ME3: variants seen among roughly 807,000 people sequenced by gnomAD.
ME3 encodes malic enzyme 3, also known as NADP-dependent malic enzyme, mitochondrial.
In ME3, 48 loss-of-function variants were observed where a neutral mutation model predicts 68.9. The ratio of observed to expected loss-of-function variants is 0.70; its 90% confidence interval spans 0.55 to 0.89. The LOEUF (loss-of-function observed/expected upper bound fraction) is 0.89, where lower values mean the gene tolerates loss of function less well. Among genes scored for constraint, ME3 ranks in the 40% least tolerant of loss-of-function variants. ME3 has a pLI of 0.00. For missense variants in ME3, 675 were observed against 797.4 expected (o/e 0.85, Z 1.85); for synonymous variants, 320 against 318.8 (o/e 1.00, Z -0.04).
intron 7 of ME3, among the ~76,000 whole-genome samples, chr11:86,486,184 A>G (rs1405042629): frequency 6.6e-6 from 1 of 152,114 alleles, no homozygotes; most frequent in Non-Finnish European, 1.5e-5. Flanking sequence ...TCAGGTGTGC[A>G]CTGGATCCTT....
chr11:86,546,734 C>T (rs1240097785), intron 4 of ME3, among the ~76,000 whole-genome samples: 8 of 152,146 alleles, frequency 5.3e-5, no homozygotes, highest in African/African-American at 1.9e-4. Context: ...TAAATTTGTT[C>T]AACCATTGTG....
chr11:86,546,947 A>C (rs1285418031), intron 4 of ME3, among the ~76,000 whole-genome samples: 3 of 152,192 alleles, frequency 2.0e-5, no homozygotes, highest in Admixed American at 2.0e-4. Flanking sequence ...CTGGATAAAG[A>C]AAATGTAGCG....
chr11:86,475,657 T>G (rs1951018315), intron 7 of ME3, among the ~76,000 whole-genome samples: 1 of 152,064 alleles, frequency 6.6e-6, no homozygotes, highest in African/African-American at 2.4e-5. Context: ...TCTCATTATC[T>G]GGCCTTGGGG....
chr11:86,436,542 C>A (rs915122371), downstream of ME3: 2 of 151,928 alleles, frequency 1.3e-5, no homozygotes, highest in Non-Finnish European at 2.9e-5. Context: ...TTTTATGAAT[C>A]ATGCTTTTAA....
At chr11:86,620,098 A>G (rs552411200) in intron 2 of ME3, among the ~76,000 whole-genome samples, 171 of 152,148 alleles carry the variant, frequency 1.1e-3, no homozygotes, top group Non-Finnish European at 2.3e-3. Flanking sequence ...ACAAACACAA[A>G]TCCTATTTTC....
At chr11:86,574,402 G>GT (rs971410809) in intron 2 of ME3, among the ~76,000 whole-genome samples, 11 of 89,524 alleles carry the variant, frequency 1.2e-4, no homozygotes, top group Non-Finnish European at 3.0e-4. Context: ...GTTGCCGGGG[G>GT]GGGGGGGGGT....
At chr11:86,569,266 T>G (rs1957651659) in intron 2 of ME3, among the ~76,000 whole-genome samples, 1 of 152,194 alleles carries the variant, frequency 6.6e-6, no homozygotes, top group Non-Finnish European at 1.5e-5. Context: ...CGTAACTGCT[T>G]GTCCATGGGC....
chr11:86,521,155 C>T (rs557446032), intron 4 of ME3, among the ~76,000 whole-genome samples: 1 of 152,038 alleles, frequency 6.6e-6, no homozygotes, highest in Admixed American at 6.5e-5. Context: ...TTTGGGAGGC[C>T]GAGGCGGGCG....
chr11:86,644,684 C>A (rs1174090862), intron 2 of ME3, among the ~76,000 whole-genome samples: 1 of 152,180 alleles, frequency 6.6e-6, no homozygotes, highest in Admixed American at 6.5e-5. Context: ...CTTAAGAGGT[C>A]TTCTGTAGAT....
chr11:86,513,398 G>A (rs988117874), intron 4 of ME3, among the ~76,000 whole-genome samples: 1 of 152,174 alleles, frequency 6.6e-6, no homozygotes, highest in Non-Finnish European at 1.5e-5. Flanking sequence ...TGAAAGGATT[G>A]CCCTGGCTGG....
At chr11:86,600,013 A>G (rs192518414) in intron 2 of ME3, among the ~76,000 whole-genome samples, 40 of 152,156 alleles carry the variant, frequency 2.6e-4, no homozygotes, top group African/African-American at 9.1e-4. Context: ...TGTAAAGACT[A>G]TCAAGATTAG....
In ME3 at chr11:86,527,149, C is replaced by A. The variant is rs1313428711; in HGVS notation, c.468-18282G>T. Among the ~76,000 whole-genome samples, 3 of 152,146 alleles carry A rather than the reference C, an allele frequency of 2.0e-5. No individual in the cohort carries two copies. The East Asian group carries it at 5.8e-4, about 29-fold the overall frequency. On this transcript the variant is annotated intron_variant, in intron 4 of 14. Transcript: ENST00000543262. ...TTAGACAAATGGCTTCCTAGAATAA[C>A]CAATGCAGAGAAATCCTTAAAGGAC...
intron 2 of ME3, among the ~76,000 whole-genome samples, chr11:86,608,151 G>A (rs1942289222): frequency 6.6e-6 from 1 of 152,164 alleles, no homozygotes; most frequent in Non-Finnish European, 1.5e-5. Context: ...TTCTTAGAGA[G>A]ACAGGGAAGG....
chr11:86,467,917 A>G (rs1028115954), intron 7 of ME3, among the ~76,000 whole-genome samples: 26 of 152,288 alleles, frequency 1.7e-4, no homozygotes, highest in Non-Finnish European at 1.3e-4. Context: ...TTGGAATTGC[A>G]TAAGAGGCCA....
At chr11:86,647,934 C>T (rs996085218) in intron 2 of ME3, among the ~76,000 whole-genome samples, 8 of 152,328 alleles carry the variant, frequency 5.3e-5, no homozygotes, top group African/African-American at 1.9e-4. Flanking sequence ...GAACTCTCCA[C>T]CCCAAATCAA....
At chr11:86,669,772 C>G (rs1248869193) in intron 2 of ME3, among the ~76,000 whole-genome samples, 1 of 152,058 alleles carries the variant, frequency 6.6e-6, no homozygotes, top group African/African-American at 2.4e-5. Flanking sequence ...CAGAGGCAAA[C>G]GACAGGGGCA....
At chr11:86,618,866 C>G (rs1943161528) in intron 2 of ME3, among the ~76,000 whole-genome samples, 1 of 152,104 alleles carries the variant, frequency 6.6e-6, no homozygotes, top group South Asian at 2.1e-4. Flanking sequence ...CACATGCCAC[C>G]ACACCTAGCT....
At chr11:86,512,241 A>C (rs1230044415) in intron 4 of ME3, among the ~76,000 whole-genome samples, 2 of 152,214 alleles carry the variant, frequency 1.3e-5, no homozygotes, top group Non-Finnish European at 2.9e-5. Context: ...TAGTTAATTC[A>C]TACTCATGCT....
chr11:86,497,821 AG>A, intron 6 of ME3, 141 bp downstream of exon 6: 1 of 964,272 alleles, frequency 1.0e-6, no homozygotes, highest in Non-Finnish European at 1.5e-6. Flanking sequence ...ACAACTGTGT[AG>A]GGGGAATGCC....
Sources: allele counts gnomAD v4.1 joint callset (sites outside exome capture counted in the v4.1 genomes callset), GRCh38; gene constraint gnomAD v4.1.1; transcripts MANE v1.5; gene names NCBI Gene and HGNC (gene_info 2026-07-23, HGNC 2026-07-21).